TMEM117: variants seen among roughly 807,000 people sequenced by gnomAD.
TMEM117 encodes the protein transmembrane protein 117.
A neutral mutation model predicts 52.4 loss-of-function variants in TMEM117; 27 were observed. The observed-to-expected ratio is 0.51, with a 90% confidence interval of 0.38 to 0.71. The LOEUF is 0.71. TMEM117 is among the 30% of genes least tolerant of loss of function. TMEM117 has a pLI of 0.00. For missense variants in TMEM117, 556 were observed against 630.5 expected (o/e 0.88, Z 1.26); for synonymous variants, 215 against 206.3 (o/e 1.04, Z -0.36).
chr12:43,987,833 A>G (rs956658699), intron 3 of TMEM117, among the ~76,000 whole-genome samples: 5 of 152,126 alleles, frequency 3.3e-5, no homozygotes, highest in Non-Finnish European at 7.4e-5. Context: ...AATATCTGCA[A>G]GTTATAAGTC....
At chr12:44,241,901 A>G (rs1950067191) in intron 5 of TMEM117, among the ~76,000 whole-genome samples, 1 of 151,996 alleles carries the variant, frequency 6.6e-6, no homozygotes, top group South Asian at 2.1e-4. Flanking sequence ...AAATATTTTA[A>G]CATGTGGAGG....
At chr12:44,326,536 G>A (rs1274951245) in intron 6 of TMEM117, among the ~76,000 whole-genome samples, 2 of 152,132 alleles carry the variant, frequency 1.3e-5, no homozygotes, top group Non-Finnish European at 2.9e-5. Flanking sequence ...CTACCCTCAT[G>A]TATTTGAAAG....
At chr12:43,895,683 GA>G (rs1444880387) in intron 2 of TMEM117, among the ~76,000 whole-genome samples, 1 of 152,150 alleles carries the variant, frequency 6.6e-6, no homozygotes, top group Non-Finnish European at 1.5e-5. Context: ...AATGGTCAAG[GA>G]AACTTTTATC....
At chr12:44,200,712 C>T (rs76931285) in intron 4 of TMEM117, among the ~76,000 whole-genome samples, 2,893 of 152,150 alleles carry the variant, frequency 0.019, 77 homozygotes, top group East Asian at 0.057. Flanking sequence ...AATGCAGTGA[C>T]GGTCAACTAT....
intron 5 of TMEM117, among the ~76,000 whole-genome samples, chr12:44,287,505 G>T (rs1310947776): frequency 1.3e-5 from 2 of 152,142 alleles, no homozygotes; most frequent in East Asian, 3.8e-4. Flanking sequence ...CATCCATGAG[G>T]TTCCATTTTC....
At chr12:44,012,099 A>G (rs1052365300) in intron 3 of TMEM117, among the ~76,000 whole-genome samples, 1 of 152,248 alleles carries the variant, frequency 6.6e-6, no homozygotes, top group African/African-American at 2.4e-5. Context: ...TAAGGGGGAC[A>G]CTGTATTTCA....
At chr12:43,993,181 C>T (rs1945971623) in intron 3 of TMEM117, among the ~76,000 whole-genome samples, 1 of 152,180 alleles carries the variant, frequency 6.6e-6, no homozygotes, top group Non-Finnish European at 1.5e-5. Context: ...ATCAGTTAGA[C>T]AAACTGTAGT....
At chr12:44,155,367 C>T (rs1948811883) in intron 4 of TMEM117, among the ~76,000 whole-genome samples, 1 of 152,002 alleles carries the variant, frequency 6.6e-6, no homozygotes, top group Non-Finnish European at 1.5e-5. Flanking sequence ...TTGAAGTTAA[C>T]TTTCTCTTAT....
the TMEM117 span, among the ~76,000 whole-genome samples, chr12:43,807,499 CT>C: frequency 1.3e-5 from 2 of 152,126 alleles, no homozygotes; most frequent in African/African-American, 4.8e-5. Context: ...CAAATTCTTC[CT>C]GACACAATGG....
chr12:44,020,594 G>A (rs1946441219), intron 3 of TMEM117, among the ~76,000 whole-genome samples: 1 of 152,176 alleles, frequency 6.6e-6, no homozygotes, highest in Non-Finnish European at 1.5e-5. Flanking sequence ...AAGCAAATAT[G>A]TTGAAAACTT....
intron 6 of TMEM117, among the ~76,000 whole-genome samples, chr12:44,367,089 C>T (rs564194448): frequency 6.6e-5 from 10 of 152,128 alleles, no homozygotes; most frequent in Non-Finnish European, 1.2e-4. Context: ...CTCTGTTCTA[C>T]CAAAATTCAA....
At chr12:43,875,765 C>T (rs747326669) in intron 2 of TMEM117, among the ~76,000 whole-genome samples, 1 of 152,062 alleles carries the variant, frequency 6.6e-6, no homozygotes, top group African/African-American at 2.4e-5. Context: ...ATTATTGGGC[C>T]GGGCTAACAG....
chr12:44,043,827 G>A (rs978754855), intron 3 of TMEM117, among the ~76,000 whole-genome samples: 14 of 152,212 alleles, frequency 9.2e-5, no homozygotes, highest in Non-Finnish European at 4.4e-5. Context: ...ACAGGCATGG[G>A]AATGGATATT....
intron 3 of TMEM117, among the ~76,000 whole-genome samples, chr12:44,121,130 A>G (rs1269101699): frequency 2.0e-5 from 3 of 152,188 alleles, no homozygotes; most frequent in Non-Finnish European, 2.9e-5. Flanking sequence ...CTTATTCACT[A>G]TCATGATAAC....
At chr12:43,821,941 CTA>C in the TMEM117 span, among the ~76,000 whole-genome samples, 4 of 152,210 alleles carry the variant, frequency 2.6e-5, no homozygotes, top group Non-Finnish European at 5.9e-5. Flanking sequence ...GCCTAGAACA[CTA>C]TGTTGGGTGA....
At chr12:44,340,687 G>A (rs1483890639) in intron 6 of TMEM117, among the ~76,000 whole-genome samples, 3 of 152,056 alleles carry the variant, frequency 2.0e-5, no homozygotes, top group Non-Finnish European at 4.4e-5. Flanking sequence ...AGAAGGAGAT[G>A]GAGCTGGAGG....
At chr12:44,378,850 T>C (rs1286397712) in intron 7 of TMEM117, among the ~76,000 whole-genome samples, 4 of 152,208 alleles carry the variant, frequency 2.6e-5, no homozygotes, top group Non-Finnish European at 4.4e-5. Flanking sequence ...GTGATGTTGA[T>C]AATTGGGGAT....
intron 3 of TMEM117, among the ~76,000 whole-genome samples, chr12:44,107,745 T>C (rs4631946): frequency 0.12 from 18,856 of 152,174 alleles, 1,420 homozygotes; most frequent in African/African-American, 0.21. Flanking sequence ...TTCATGATCA[T>C]TTTAAAATGT....
At chr12:43,813,761 C>G in the TMEM117 span, among the ~76,000 whole-genome samples, 1 of 152,262 alleles carries the variant, frequency 6.6e-6, no homozygotes, top group African/African-American at 2.4e-5. Flanking sequence ...TAGCACAGGT[C>G]TAGCTAAATC....
Sources: allele counts gnomAD v4.1 joint callset (sites outside exome capture counted in the v4.1 genomes callset), GRCh38; gene constraint gnomAD v4.1.1; transcripts MANE v1.5; gene names NCBI Gene and HGNC (gene_info 2026-07-23, HGNC 2026-07-21).